ARHGAP39: variants seen among roughly 807,000 people sequenced by gnomAD.
The protein encoded by ARHGAP39 is Rho GTPase activating protein 39.
A neutral mutation model predicts 106.9 loss-of-function variants in ARHGAP39; 44 were observed. That is an observed-to-expected ratio of 0.41 (90% confidence interval 0.32 to 0.53). The LOEUF is 0.53. ARHGAP39 is among the 20% of genes least tolerant of loss of function. The pLI, the probability that ARHGAP39 is intolerant of heterozygous loss-of-function variation, is 0.21. For synonymous variants in ARHGAP39, 768 were observed against 693.2 expected, an observed-to-expected ratio of 1.11 and a Z score of -1.69; for missense variants, 1,496 against 1,577.3, an observed-to-expected ratio of 0.95 and a Z score of 0.87.
Position 144,606,011 on chromosome 8 carries a change from T to A in ARHGAP39, c.-81-316A>T, listed in dbSNP as rs3824112. On this transcript the variant is annotated intron_variant, in intron 1 of 11. Transcript: ENST00000377307. ...GCACAAGCCAAGCATGGGGGGACCG[T>A]GGGACCGTAGGACTGGAGGACTGGG... is the stretch of plus-strand genomic sequence containing the variant. Among the ~76,000 whole-genome samples, 818 of 152,294 alleles carry A rather than the reference T, an allele frequency of 5.4e-3. 5 individuals carry two copies. The highest frequency in any genetic ancestry group is 0.018 in the African/African-American group (742 of 41,564).
Position 144,638,424 on chromosome 8 carries a change from C to T in ARHGAP39, c.-81-32729G>A, listed in dbSNP as rs187026145. Among the ~76,000 whole-genome samples the T allele has an allele frequency of 1.6e-3, 249 of 152,368 alleles. 1 individual carries two copies. The highest frequency in any genetic ancestry group is 5.5e-3 in the African/African-American group (230 of 41,592). ...CAGTTACAAAATATCCTTCAGCCAA[C>T]GGCTCTTCAAATACTGCCTCTTCTC... On this transcript the variant is annotated intron_variant, in intron 1 of 11. Transcript: ENST00000377307.
intron 1 of ARHGAP39, among the ~76,000 whole-genome samples, chr8:144,660,837 A>G (rs1821803348): frequency 6.6e-6 from 1 of 152,136 alleles, no homozygotes; most frequent in Admixed American, 6.6e-5. Flanking sequence ...AAAAAAACTT[A>G]GCTGAGAGTG....
intron 1 of ARHGAP39, among the ~76,000 whole-genome samples, chr8:144,637,838 C>T (rs1361446013): frequency 1.3e-5 from 2 of 151,562 alleles, no homozygotes; most frequent in African/African-American, 2.4e-5. Flanking sequence ...TAGGTGTGTG[C>T]CACCCACACA....
At position 144,585,235 on chromosome 8, in the gene ARHGAP39, G is replaced by A. The variant is rs954910793; in HGVS notation, c.81-3958C>T. ...GCCGGTCCCAGCTCCAGATGCAATG[G>A]CAGACTCACTCTTCTTCCCAAGGGC... is the stretch of plus-strand genomic sequence containing the variant. On this transcript the variant is annotated intron_variant, in intron 2 of 11. Coordinates refer to ENST00000377307, the MANE Select transcript of ARHGAP39 (RefSeq NM_025251.3). The surrounding 1 kb of genome is among the most constrained non-coding windows in gnomAD (Gnocchi z 4.6). Among the ~76,000 whole-genome samples the A allele has an allele frequency of 1.3e-5, 2 of 152,104 alleles. No homozygotes were observed. Among genetic ancestry groups the A allele is most frequent in the African/African-American group, 4.8e-5 (2 of 41,416 alleles).
rs188822217 is a variant in ARHGAP39, at chr8:144,586,973, A to C, written c.81-5696T>G. On this transcript the variant is annotated intron_variant, in intron 2 of 11. Coordinates refer to ENST00000377307, the MANE Select transcript of ARHGAP39 (RefSeq NM_025251.3). This position sits in a 1 kb window ranked among gnomAD's most constrained non-coding sequence, Gnocchi z 4.2. ...GGGAACAAGTGGAGGTAACTGAATC[A>C]TGGGGGTGGCCTCCCCCATCCTGTT... Among the ~76,000 whole-genome samples the C allele has an allele frequency of 6.6e-6, 1 of 152,160 alleles. No homozygotes were observed. Among genetic ancestry groups the C allele is most frequent in the Admixed American group, 6.5e-5 (1 of 15,282 alleles).
intron 1 of ARHGAP39, among the ~76,000 whole-genome samples, chr8:144,657,358 G>A (rs1464923619): frequency 1.3e-5 from 2 of 152,212 alleles, no homozygotes; most frequent in African/African-American, 4.8e-5. Flanking sequence ...AACTCAGGAG[G>A]CTGAGGCAGG....
At chr8:144,530,986 G>A (rs1871536) in intron 10 of ARHGAP39, 115 bp from the exon 11 acceptor site, 1,252,740 of 1,337,802 alleles carry the variant, frequency 0.94, 596,994 homozygotes, top group Non-Finnish European at 0.98. Context: ...TGGGAGGGCC[G>A]GCTCATTCTG....
chr8:144,554,390 C>T (rs1817836983), intron 4 of ARHGAP39, among the ~76,000 whole-genome samples: 2 of 152,240 alleles, frequency 1.3e-5, no homozygotes, highest in Non-Finnish European at 2.9e-5. Flanking sequence ...TTCCTGAAAG[C>T]TCTGTGGGTG....
At chr8:144,599,628 GA>G (rs1244357495) in intron 2 of ARHGAP39, among the ~76,000 whole-genome samples, 8 of 152,044 alleles carry the variant, frequency 5.3e-5, no homozygotes, top group Non-Finnish European at 1.5e-5. Flanking sequence ...ATGTTTAAAA[GA>G]CAAAATTATA....
At chr8:144,559,289 C>G (rs1818056250) in intron 3 of ARHGAP39, among the ~76,000 whole-genome samples, 1 of 135,030 alleles carries the variant, frequency 7.4e-6, no homozygotes, top group East Asian at 2.2e-4. Flanking sequence ...TTGTTTGAAC[C>G]TGGGAGGTGG....
At chr8:144,689,977 C>A (rs971550568), upstream of ARHGAP39, among the ~76,000 whole-genome samples, 2 of 151,568 alleles carry the variant, frequency 1.3e-5, no homozygotes, top group Non-Finnish European at 2.9e-5. Flanking sequence ...AAACGCCCGA[C>A]CTCAGGTGAT....
At position 144,590,729 on chromosome 8, in the gene ARHGAP39, G is replaced by A. The variant is rs566040173; in HGVS notation, c.81-9452C>T. On this transcript the variant is annotated intron_variant, in intron 2 of 11. Coordinates refer to ENST00000377307, the MANE Select transcript of ARHGAP39 (RefSeq NM_025251.3). ...CTCAGTGTGCACTGAAGGGGTCTTT[G>A]TCAGCTCCAGAGACACCCCTACCCC... is the stretch of plus-strand genomic sequence containing the variant. Among the ~76,000 whole-genome samples the A allele has an allele frequency of 3.3e-5, 5 of 152,104 alleles. No individual in the cohort carries two copies. In the South Asian group the frequency reaches 8.3e-4, roughly 25 times the overall value.
rs1821467165 is a variant in ARHGAP39, at chr8:144,647,265, C to T, written c.-82+38421G>A. ...TACAGCCGTGAGCCACTGCGCCCGGCCTGCTCTGACCCTTCTTAAAGCTCG... is the reference window on the plus strand; with the variant it reads ...TACAGCCGTGAGCCACTGCGCCCGGTCTGCTCTGACCCTTCTTAAAGCTCG... On this transcript the variant is annotated intron_variant, in intron 1 of 11. Coordinates refer to ENST00000377307, the MANE Select transcript of ARHGAP39 (RefSeq NM_025251.3). The surrounding 1 kb of genome is among the most constrained non-coding windows in gnomAD (Gnocchi z 4.8). 6.6e-6 allele frequency among the ~76,000 whole-genome samples: 1 copy of T among 152,158 alleles called. No individual in the cohort carries two copies. Among genetic ancestry groups the T allele is most frequent in the Non-Finnish European group, 1.5e-5 (1 of 68,026 alleles).
At chr8:144,594,202 C>T (rs971281498) in intron 2 of ARHGAP39, among the ~76,000 whole-genome samples, 13 of 152,026 alleles carry the variant, frequency 8.6e-5, no homozygotes, top group African/African-American at 2.7e-4. Context: ...AAAAGACGCT[C>T]GTGATCATTA....
At chr8:144,657,651 G>T (rs1821729993) in intron 1 of ARHGAP39, among the ~76,000 whole-genome samples, 1 of 152,090 alleles carries the variant, frequency 6.6e-6, no homozygotes, top group Non-Finnish European at 1.5e-5. Context: ...ATATCCAAGT[G>T]GAGTTTATCT....
At chr8:144,555,984 T>G (rs1046254643) in intron 3 of ARHGAP39, among the ~76,000 whole-genome samples, 1 of 152,188 alleles carries the variant, frequency 6.6e-6, no homozygotes, top group East Asian at 1.9e-4. Context: ...GAAGGAAGCA[T>G]GGCTAGAAAT....
At chr8:144,623,774 G>A (rs1443510713) in intron 1 of ARHGAP39, among the ~76,000 whole-genome samples, 1 of 152,226 alleles carries the variant, frequency 6.6e-6, no homozygotes, top group African/African-American at 2.4e-5. Flanking sequence ...AAATGTCAGA[G>A]GCCGCAGCAC....
chr8:144,674,642 A>G (rs1822184630), intron 1 of ARHGAP39, among the ~76,000 whole-genome samples: 1 of 152,096 alleles, frequency 6.6e-6, no homozygotes, highest in Non-Finnish European at 1.5e-5. Context: ...TTCACCCAGG[A>G]GCCTGTCTGC....
At chr8:144,534,260 G>A (rs967878286) in intron 7 of ARHGAP39, 58 bp from the exon 8 acceptor site, 5 of 1,594,166 alleles carry the variant, frequency 3.1e-6, no homozygotes, top group East Asian at 2.2e-5. Flanking sequence ...GGGGCCAGGA[G>A]AGGGGTGAGC....
Sources: gnomAD v4.1 joint callset for allele counts (sites outside exome capture counted in the v4.1 genomes callset) on GRCh38, gnomAD v4.1.1 for gene constraint, Gnocchi (gnomAD v3.1) non-coding constraint, MANE v1.5 for transcripts, NCBI Gene and HGNC (gene_info 2026-07-23, HGNC 2026-07-21) for gene names.